Variants in LRRC37A2 observed in about 807,000 individuals in gnomAD.
The protein encoded by LRRC37A2 is leucine-rich repeat-containing protein 37A2.
In LRRC37A2, 9 loss-of-function variants were observed where a neutral mutation model predicts 68.8. That is an observed-to-expected ratio of 0.13 (90% CI 0.08 to 0.23). LRRC37A2 has a LOEUF of 0.23. LRRC37A2 is among the 10% of genes least tolerant of loss of function. LRRC37A2 has a pLI of 1.00. For synonymous variants in LRRC37A2, 63 were observed against 367.6 expected (o/e 0.17, Z 9.48); for missense variants, 168 against 950.4 (o/e 0.18, Z 10.82).
chr17:46,466,885 G>A, the LRRC37A2 span, among the ~76,000 whole-genome samples: 3 of 102,960 alleles, frequency 2.9e-5, 1 homozygote, highest in East Asian at 7.3e-4. Context: ...GAACAGAACA[G>A]AGGCCTCAGA....
the LRRC37A2 span, among the ~76,000 whole-genome samples, chr17:46,729,853 T>C: frequency 6.6e-6 from 1 of 152,194 alleles, no homozygotes; most frequent in African/African-American, 2.4e-5. Flanking sequence ...TTGGTTTTTC[T>C]GGAGTTTTTT....
chr17:46,862,728 G>A, the LRRC37A2 span, among the ~76,000 whole-genome samples: 11 of 152,212 alleles, frequency 7.2e-5, no homozygotes, highest in South Asian at 2.1e-4. Flanking sequence ...GACAACAGGC[G>A]TCTACCACCA....
chr17:46,543,960 T>G (rs2055895118), intron 8 of LRRC37A2, among the ~76,000 whole-genome samples: 1 of 137,280 alleles, frequency 7.3e-6, no homozygotes, highest in South Asian at 2.2e-4. Context: ...CTACAAAATA[T>G]ACAAAAATTA....
the LRRC37A2 span, chr17:46,875,185 T>A: frequency 3.7e-6 from 6 of 1,614,060 alleles, no homozygotes; most frequent in Non-Finnish European, 5.1e-6. Flanking sequence ...GCTGGGCGCA[T>A]GGAGCGCTGC....
chr17:46,539,768 C>CAAAA (rs1204528686), intron 6 of LRRC37A2, among the ~76,000 whole-genome samples: 20 of 67,010 alleles, frequency 3.0e-4, no homozygotes, highest in East Asian at 1.4e-3. Flanking sequence ...GACTCCATCT[C>CAAAA]AAAAAAAAAA....
chr17:46,620,893 C>CA, the LRRC37A2 span, among the ~76,000 whole-genome samples: 1 of 44,728 alleles, frequency 2.2e-5, no homozygotes, highest in African/African-American at 1.1e-4. Context: ...GATTTAAAAA[C>CA]AAAAAAAAGA....
the LRRC37A2 span, chr17:46,940,596 T>C: frequency 6.2e-7 from 1 of 1,614,014 alleles, no homozygotes; most frequent in Non-Finnish European, 8.5e-7. Flanking sequence ...TGGAGGAAGG[T>C]CTGCAGGGAG....
chr17:46,961,733 G>A, the LRRC37A2 span, among the ~76,000 whole-genome samples: 1 of 152,146 alleles, frequency 6.6e-6, no homozygotes, highest in Non-Finnish European at 1.5e-5. Context: ...CAAGCAATGA[G>A]TTGAAGAAGA....
At chr17:46,785,495 G>A in the LRRC37A2 span, among the ~76,000 whole-genome samples, 2 of 152,208 alleles carry the variant, frequency 1.3e-5, no homozygotes, top group African/African-American at 2.4e-5. Context: ...AGGAGCCCCC[G>A]AGGACAGGCC....
the LRRC37A2 span, among the ~76,000 whole-genome samples, chr17:46,904,853 G>A: frequency 6.6e-6 from 1 of 152,142 alleles, no homozygotes; most frequent in Non-Finnish European, 1.5e-5. Context: ...CTTGCCTGGG[G>A]TTTCCTGCAG....
chr17:46,923,104 G>A, the LRRC37A2 span: 1 of 929,176 alleles, frequency 1.1e-6, no homozygotes, highest in Non-Finnish European at 1.7e-6. Flanking sequence ...GGAGGGTCCT[G>A]CGACCGGAAG....
At chr17:46,870,345 G>T in the LRRC37A2 span, among the ~76,000 whole-genome samples, 1 of 152,190 alleles carries the variant, frequency 6.6e-6, no homozygotes, top group African/African-American at 2.4e-5. Context: ...AGCTGGAGTT[G>T]ACATCCAGTT....
chr17:46,934,559 C>T, the LRRC37A2 span, among the ~76,000 whole-genome samples: 2 of 152,070 alleles, frequency 1.3e-5, no homozygotes, highest in Non-Finnish European at 2.9e-5. Flanking sequence ...CCTCCTCTAT[C>T]CTTAGTTAAC....
the LRRC37A2 span, among the ~76,000 whole-genome samples, chr17:46,737,737 C>T: frequency 6.6e-6 from 1 of 151,798 alleles, no homozygotes; most frequent in Non-Finnish European, 1.5e-5. Context: ...AAAGTGTGGT[C>T]CATTTTACCT....
the LRRC37A2 span, among the ~76,000 whole-genome samples, chr17:46,825,237 G>A: frequency 1.3e-5 from 2 of 152,148 alleles, no homozygotes; most frequent in South Asian, 4.1e-4. Context: ...CAGTCACCTG[G>A]AACTAGAGCT....
chr17:46,898,273 G>T, the LRRC37A2 span, among the ~76,000 whole-genome samples: 2 of 151,914 alleles, frequency 1.3e-5, no homozygotes, highest in Admixed American at 6.5e-5. Context: ...CAAATAGATG[G>T]CCTCAGAGCC....
chr17:46,930,858 A>G, the LRRC37A2 span: 1 of 468,124 alleles, frequency 2.1e-6, no homozygotes, highest in African/African-American at 2.0e-5. Context: ...ATTTACCTTC[A>G]GCTTTTTTAA....
the LRRC37A2 span, among the ~76,000 whole-genome samples, chr17:46,900,843 A>G: frequency 6.6e-6 from 1 of 152,218 alleles, no homozygotes; most frequent in Admixed American, 6.5e-5. Flanking sequence ...AACACCATCT[A>G]CAAGCCAAGC....
At chr17:46,776,500 C>T in the LRRC37A2 span, among the ~76,000 whole-genome samples, 1 of 152,174 alleles carries the variant, frequency 6.6e-6, no homozygotes, top group South Asian at 2.1e-4. Context: ...GTCCCATTTC[C>T]AAGATGAGGA....
Sources: allele counts gnomAD v4.1 joint callset (sites outside exome capture counted in the v4.1 genomes callset), GRCh38; gene constraint gnomAD v4.1.1; transcripts MANE v1.5; gene names NCBI Gene and HGNC (gene_info 2026-07-23, HGNC 2026-07-21).